FRMD4A: variants seen among roughly 807,000 people sequenced by gnomAD.
FRMD4A encodes the protein FERM domain-containing protein 4A.
A neutral mutation model predicts 129.1 loss-of-function variants in FRMD4A; 29 were observed. The ratio of observed to expected loss-of-function variants is 0.22; its 90% CI spans 0.17 to 0.31. FRMD4A has a LOEUF of 0.31. FRMD4A is among the 10% of genes least tolerant of loss of function. The pLI is 1.00. For missense variants in FRMD4A, 1,272 were observed against 1,375.8 expected (o/e 0.92, Z 1.19); for synonymous variants, 634 against 571.6 (o/e 1.11, Z -1.56).
Position 13,750,089 on chromosome 10 carries a change from A to G in FRMD4A, c.465-2270T>C, listed in dbSNP as rs966145207. On this transcript the variant is annotated intron_variant, in intron 8 of 24. Transcript: ENST00000357447. ...GGAAGGAAGAAAGAAAGAAAGAAAG[A>G]AAGAAAGAAAGAAAGAAATGAAGAA... Among the ~76,000 whole-genome samples, 796 of 81,416 alleles carry G rather than the reference A, an allele frequency of 9.8e-3. 15 individuals are homozygous for G. The highest frequency in any genetic ancestry group is 0.032 in the South Asian group (74 of 2,282). 53.4% of individuals were successfully genotyped at this position (81,416 alleles called of 152,430 possible). A position where few individuals can be genotyped will look rare whatever the true frequency, so the allele number is the denominator to read the frequency against.
intron 6 of FRMD4A, among the ~76,000 whole-genome samples, chr10:13,770,840 C>A (rs983057528): frequency 6.6e-6 from 1 of 152,136 alleles, no homozygotes; most frequent in South Asian, 2.1e-4. Flanking sequence ...CCTGTCTGTC[C>A]TTCTCTCATA....
In FRMD4A at chr10:14,330,117, A is replaced by T. The variant is rs948270779; in HGVS notation, c.-15T>A. Reference sequence around the variant, plus strand: ...TGCACTGCCATGGTCTCCGATTCCCATGCACGAATCCTGCTGCCGAGTCAG... The same window carrying T: ...TGCACTGCCATGGTCTCCGATTCCCTTGCACGAATCCTGCTGCCGAGTCAG... On this transcript the variant is annotated 5_prime_UTR_variant, in exon 2 of 25. An upstream start codon of the reference 5' UTR is lost. Coordinates refer to ENST00000357447, the MANE Select transcript of FRMD4A (RefSeq NM_018027.5). 1.9e-6 allele frequency: 3 copies of T among 1,551,868 alleles called. No homozygotes were observed. The highest frequency in any genetic ancestry group is 2.6e-6 in the Non-Finnish European group (3 of 1,147,130).
chr10:14,083,483 C>T (rs1836054698), intron 2 of FRMD4A: 1 of 152,290 alleles, frequency 6.6e-6, no homozygotes, highest in Non-Finnish European at 1.5e-5. Flanking sequence ...GTGTGATGGG[C>T]TCTTACTGTC....
At chr10:14,086,221 G>T (rs1836266230) in intron 2 of FRMD4A, among the ~76,000 whole-genome samples, 1 of 152,162 alleles carries the variant, frequency 6.6e-6, no homozygotes, top group Admixed American at 6.6e-5. Flanking sequence ...AGGCTAAACA[G>T]AAAGCTTATT....
At chr10:14,137,074 A>G (rs1839576459) in intron 2 of FRMD4A, among the ~76,000 whole-genome samples, 1 of 152,268 alleles carries the variant, frequency 6.6e-6, no homozygotes, top group Non-Finnish European at 1.5e-5. Context: ...CCATGAGGCA[A>G]AGCCAACAAG....
chr10:13,761,047 T>C (rs1229701206), intron 8 of FRMD4A, among the ~76,000 whole-genome samples: 1 of 152,180 alleles, frequency 6.6e-6, no homozygotes, highest in African/African-American at 2.4e-5. Context: ...GATCAACATA[T>C]GGTGATGAAT....
intron 2 of FRMD4A, among the ~76,000 whole-genome samples, chr10:14,284,124 T>G (rs1845606761): frequency 6.6e-6 from 1 of 152,180 alleles, no homozygotes; most frequent in Non-Finnish European, 1.5e-5. Flanking sequence ...GCTGTAAAAT[T>G]TAAATGATTA....
chr10:14,088,443 TA>T (rs1244767980), intron 2 of FRMD4A, among the ~76,000 whole-genome samples: 2 of 135,024 alleles, frequency 1.5e-5, no homozygotes, highest in African/African-American at 5.6e-5. Context: ...AGACTCTTCC[TA>T]AAAGAAAAAA....
chr10:14,101,667 G>A (rs779528704), intron 2 of FRMD4A, among the ~76,000 whole-genome samples: 4 of 152,060 alleles, frequency 2.6e-5, no homozygotes, highest in Non-Finnish European at 5.9e-5. Context: ...TTTGGACCTG[G>A]TCTTTATGGT....
intron 2 of FRMD4A, among the ~76,000 whole-genome samples, chr10:13,925,817 T>G: frequency 6.6e-6 from 1 of 151,238 alleles, no homozygotes; most frequent in East Asian, 1.9e-4. Flanking sequence ...TCTCCTGACC[T>G]CGTGATCTGC....
chr10:13,684,897 G>A lies in FRMD4A; in HGVS notation c.1117+9001C>T, dbSNP rs570907368. On this transcript the variant is annotated intron_variant, in intron 15 of 24. Coordinates refer to ENST00000357447, the MANE Select transcript of FRMD4A (RefSeq NM_018027.5). Reference sequence around the variant, plus strand: ...AAAAAAAAAAAAAAATGAAGAAGGCGGTATATTCCCAGCAGATCAGTAAAA... The same window carrying A: ...AAAAAAAAAAAAAAATGAAGAAGGCAGTATATTCCCAGCAGATCAGTAAAA... The A allele has an allele frequency of 2.3e-5, 23 of 984,134 alleles. No homozygotes were observed. In the South Asian group the frequency reaches 2.8e-4, roughly 12 times the overall value. The allele number at this position is 984,134 out of a possible 1,614,324, so 61.0% of individuals were successfully genotyped here.
intron 2 of FRMD4A, among the ~76,000 whole-genome samples, chr10:13,940,074 A>T (rs1269508221): frequency 6.6e-6 from 1 of 152,064 alleles, no homozygotes; most frequent in Admixed American, 6.5e-5. Flanking sequence ...AGGAAGTGAG[A>T]AACATTGCTA....
chr10:13,816,521 C>T (rs545284101), intron 3 of FRMD4A, among the ~76,000 whole-genome samples: 3 of 152,302 alleles, frequency 2.0e-5, no homozygotes, highest in Admixed American at 6.5e-5. Flanking sequence ...ATTTTCTGTA[C>T]AGTTGATTTA....
At chr10:13,922,147 TG>T (rs1315003807) in intron 2 of FRMD4A, among the ~76,000 whole-genome samples, 1 of 152,226 alleles carries the variant, frequency 6.6e-6, no homozygotes. Context: ...GCTGGCATCT[TG>T]ATCTTGGACT....
At chr10:14,052,715 T>G (rs1588876058) in intron 2 of FRMD4A, among the ~76,000 whole-genome samples, 1 of 137,296 alleles carries the variant, frequency 7.3e-6, no homozygotes, top group East Asian at 2.0e-4. Flanking sequence ...CTCACCACCA[T>G]AACTGGCTAT....
At chr10:13,823,041 A>C (rs2093652233) in intron 3 of FRMD4A, among the ~76,000 whole-genome samples, 1 of 152,026 alleles carries the variant, frequency 6.6e-6, no homozygotes, top group Admixed American at 6.6e-5. Flanking sequence ...AGTTTCTTCC[A>C]TATTTTCCTA....
intron 2 of FRMD4A, among the ~76,000 whole-genome samples, chr10:13,911,048 G>A (rs2131226163): frequency 6.6e-6 from 1 of 152,296 alleles, no homozygotes; most frequent in East Asian, 1.9e-4. Flanking sequence ...CAGGGAAAGT[G>A]CTATGTGGAG....
intron 3 of FRMD4A, among the ~76,000 whole-genome samples, chr10:13,824,364 G>A (rs904193597): frequency 1.3e-5 from 2 of 149,530 alleles, no homozygotes; most frequent in Non-Finnish European, 3.0e-5. Context: ...ATGGTGGCAC[G>A]TGCCTATGAT....
intron 2 of FRMD4A, among the ~76,000 whole-genome samples, chr10:14,291,165 T>C (rs972402444): frequency 6.6e-6 from 1 of 152,170 alleles, no homozygotes; most frequent in African/African-American, 2.4e-5. Context: ...CATTTGCTTC[T>C]TTCTGGATAT....
Sources: gnomAD v4.1 joint callset for allele counts (sites outside exome capture counted in the v4.1 genomes callset) on GRCh38, gnomAD v4.1.1 for gene constraint, MANE v1.5 for transcripts, NCBI Gene and HGNC (gene_info 2026-07-23, HGNC 2026-07-21) for gene names.